CATSPER3: variants seen among roughly 807,000 people sequenced by gnomAD.
The protein encoded by CATSPER3 is cation channel sperm associated 3.
A neutral mutation model predicts 36.6 loss-of-function variants in CATSPER3; 23 were observed. The ratio of observed to expected loss-of-function variants is 0.63; its 90% CI spans 0.45 to 0.89. CATSPER3 has a LOEUF of 0.89. CATSPER3 is among the 40% of genes least tolerant of loss of function. The pLI is 0.00. For synonymous variants in CATSPER3, 172 were observed against 184.1 expected (o/e 0.93, Z 0.53); for missense variants, 474 against 503.9 (o/e 0.94, Z 0.57).
chr5:135,009,485 A>T lies in CATSPER3; in HGVS notation c.931A>T (p.Ile311Leu). The change falls in exon 6 of 8, where the codon ATA becomes TTA. Residue 311 changes from isoleucine to leucine, a missense_variant. Transcript: ENST00000282611. ...QQEEISRLMHIQKNADCTSFS... is the reference protein window; with the variant it reads ...QQEEISRLMHLQKNADCTSFS... ...GGAGGAGATCAGCAGGCTGATGCAC[A>T]TACAGGTGAGTGGCCCCTGCAGGCA... 2.7e-6 allele frequency: 4 copies of T among 1,466,366 alleles called. No homozygotes were observed. The highest frequency in any genetic ancestry group is 2.3e-5 in the South Asian group (2 of 87,538). 90.8% of individuals were successfully genotyped at this position (1,466,366 alleles called of 1,614,324 possible). A position where few individuals can be genotyped will look rare whatever the true frequency, so the allele number is the denominator to read the frequency against.
chr5:135,009,333 G>A (rs1011460819), intron 5 of CATSPER3, 38 bp from the exon 6 acceptor site: 2 of 1,608,032 alleles, frequency 1.2e-6, no homozygotes, highest in Non-Finnish European at 1.7e-6. Flanking sequence ...GGCATGTAGC[G>A]AGAGCCTGTA....
At chr5:134,982,475 G>A (rs1273337436) in intron 2 of CATSPER3, among the ~76,000 whole-genome samples, 5 of 152,088 alleles carry the variant, frequency 3.3e-5, no homozygotes, top group Admixed American at 3.3e-4. Context: ...TCACATACAA[G>A]AAACCTCAAT....
chr5:134,967,963 G>T lies in CATSPER3; in HGVS notation c.-29G>T. ...AGAGATTTTCTGTTGGATGCTAAAA[G>T]CAAGGAATAAAAGTTGAAAATTTGG... On this transcript the variant is annotated 5_prime_UTR_variant, in exon 1 of 8. Coordinates refer to ENST00000282611, the MANE Select transcript of CATSPER3 (RefSeq NM_178019.3). 6.5e-7 allele frequency: 1 copy of T among 1,538,036 alleles called. No homozygotes were observed. Among genetic ancestry groups the T allele is most frequent in the Non-Finnish European group, 9.0e-7 (1 of 1,110,758 alleles).
At chr5:134,998,629 G>T (rs949080181) in intron 3 of CATSPER3, among the ~76,000 whole-genome samples, 31 of 152,146 alleles carry the variant, frequency 2.0e-4, no homozygotes, top group African/African-American at 7.5e-4. Flanking sequence ...GTATGAGATG[G>T]TATCTCATTG....
chr5:134,990,710 G>C (rs549794007), intron 2 of CATSPER3, among the ~76,000 whole-genome samples: 1 of 152,330 alleles, frequency 6.6e-6, no homozygotes, highest in East Asian at 1.9e-4. Flanking sequence ...CAATAGACTT[G>C]CTTGATGTAG....
intron 3 of CATSPER3, among the ~76,000 whole-genome samples, chr5:135,005,146 C>G (rs1383014833): frequency 6.6e-6 from 1 of 152,198 alleles, no homozygotes; most frequent in Non-Finnish European, 1.5e-5. Flanking sequence ...CACCTCAAGG[C>G]TGGGGGCACT....
At chr5:134,993,554 A>T (rs1053508947) in intron 2 of CATSPER3, among the ~76,000 whole-genome samples, 1 of 152,234 alleles carries the variant, frequency 6.6e-6, no homozygotes, top group Non-Finnish European at 1.5e-5. Flanking sequence ...GACGATCAAG[A>T]TAAATAGAAG....
intron 2 of CATSPER3, among the ~76,000 whole-genome samples, chr5:134,986,986 C>G (rs1402845534): frequency 1.3e-5 from 2 of 151,934 alleles, no homozygotes; most frequent in Non-Finnish European, 2.9e-5. Flanking sequence ...GCAGATAAAG[C>G]TAGCAGAAGG....
chr5:134,982,683 A>G (rs753822048), intron 2 of CATSPER3, among the ~76,000 whole-genome samples: 1 of 152,228 alleles, frequency 6.6e-6, no homozygotes, highest in Non-Finnish European at 1.5e-5. Flanking sequence ...CCTGCCCTCA[A>G]AAAAATGATA....
chr5:134,968,422 C>T (rs1751559802), intron 1 of CATSPER3: 5 of 336,514 alleles, frequency 1.5e-5, no homozygotes, highest in Admixed American at 8.5e-5. Flanking sequence ...TGGCTGGGCA[C>T]GGTGGCTCAC....
chr5:134,969,001 A>G (rs1481424988), intron 1 of CATSPER3: 1 of 152,224 alleles, frequency 6.6e-6, no homozygotes, highest in Non-Finnish European at 1.5e-5. Context: ...TGCTGCACAC[A>G]AAAACAAAAG....
chr5:134,981,293 C>G (rs1337528832), intron 2 of CATSPER3, among the ~76,000 whole-genome samples: 1 of 152,072 alleles, frequency 6.6e-6, no homozygotes, highest in African/African-American at 2.4e-5. Flanking sequence ...GAGTTCGAGA[C>G]CAGCCTGGCC....
At chr5:134,969,915 A>G (rs765524134) in intron 1 of CATSPER3, 24 bp from the exon 2 acceptor site, 1 of 1,613,872 alleles carries the variant, frequency 6.2e-7, no homozygotes, top group South Asian at 1.1e-5. Flanking sequence ...CTGTAACCAT[A>G]CTTCACATTC....
chr5:134,967,908 G>T lies in CATSPER3; in HGVS notation c.-84G>T. ...GTGGCCCCTTCTCTGCTGCCTCTCA[G>T]AATCCAGACGCTAAGGAAAATCCCT... On this transcript the variant is annotated 5_prime_UTR_variant, in exon 1 of 8. Coordinates refer to ENST00000282611, the MANE Select transcript of CATSPER3 (RefSeq NM_178019.3). 1 of 1,031,730 alleles carries T rather than the reference G, an allele frequency of 9.7e-7. No homozygotes were observed. 63.9% of individuals were successfully genotyped at this position (1,031,730 alleles called of 1,614,324 possible). A position where few individuals can be genotyped will look rare whatever the true frequency, so the allele number is the denominator to read the frequency against.
rs1446392869 is a variant in CATSPER3 at position 135,008,908 on chromosome 5, C to A, written c.743C>A (p.Thr248Asn). ...GAATTTGCTTTGAGCCGGGCATTCA[C>A]CATCATCTTCATCTTGCTCGCCTCT... Reference protein sequence around the residue: ...NREFALSRAFTIIFILLASFI... With the variant: ...NREFALSRAFNIIFILLASFI... Residue 248 changes from threonine (T) to asparagine (N), a missense_variant, in exon 5 of 8, where the codon ACC becomes AAC. Thr to Asn is a moderately conservative substitution (Grantham distance 65). Coordinates refer to ENST00000282611, the MANE Select transcript of CATSPER3 (RefSeq NM_178019.3). The A allele has an allele frequency of 3.1e-6, 5 of 1,613,860 alleles. No individual in the cohort carries two copies. Among genetic ancestry groups the A allele is most frequent in the Non-Finnish European group, 4.2e-6 (5 of 1,179,882 alleles).
chr5:134,985,757 AG>A (rs931474802), intron 2 of CATSPER3, among the ~76,000 whole-genome samples: 11 of 151,090 alleles, frequency 7.3e-5, no homozygotes, highest in African/African-American at 2.4e-4. Context: ...AAAAAAAAAA[AG>A]AGTGGTGATG....
chr5:134,985,526 G>A (rs1248514239), intron 2 of CATSPER3, among the ~76,000 whole-genome samples: 1 of 152,066 alleles, frequency 6.6e-6, no homozygotes, highest in Non-Finnish European at 1.5e-5. Flanking sequence ...TCCAAGTAGT[G>A]TACATTGCAC....
At chr5:134,978,432 T>C (rs889281456) in intron 2 of CATSPER3, among the ~76,000 whole-genome samples, 21 of 152,142 alleles carry the variant, frequency 1.4e-4, no homozygotes, top group Non-Finnish European at 2.9e-4. Context: ...CATACAATTA[T>C]TATATGTCAA....
intron 2 of CATSPER3, among the ~76,000 whole-genome samples, chr5:134,980,273 T>G (rs1033296212): frequency 3.3e-5 from 5 of 149,870 alleles, no homozygotes; most frequent in Admixed American, 6.6e-5. Flanking sequence ...TGAGCCACCA[T>G]GCCTAGCCTA....
Sources: gnomAD v4.1 joint callset for allele counts (sites outside exome capture counted in the v4.1 genomes callset) on GRCh38, gnomAD v4.1.1 for gene constraint, MANE v1.5 for transcripts, NCBI Gene and HGNC (gene_info 2026-07-23, HGNC 2026-07-21) for gene names.